Variants in GOLGA8M observed in about 807,000 individuals in gnomAD.
The protein encoded by GOLGA8M is golgin A8 family member M, also known as golgin subfamily A member 8M.
Under a neutral mutation model 87.7 loss-of-function variants are expected in GOLGA8M, and 34 were observed. The observed-to-expected ratio is 0.39, with a 90% CI of 0.29 to 0.52. GOLGA8M has a LOEUF of 0.52. GOLGA8M is among the 20% of genes least tolerant of loss of function. The probability of loss-of-function intolerance (pLI) is 0.80; values close to 1 mark genes in which losing one functional copy is unlikely to be tolerated. For missense variants in GOLGA8M, 396 were observed against 682.2 expected (o/e 0.58, Z 4.67); for synonymous variants, 138 against 250.2 (o/e 0.55, Z 4.23).
chr15:28,711,547 A>T, intron 1 of GOLGA8M: 1 of 958,216 alleles, frequency 1.0e-6, no homozygotes, highest in Non-Finnish European at 1.2e-6. Flanking sequence ...GGAGTGAGGC[A>T]GCCTGGAACC....
chr15:28,700,629 C>T lies in GOLGA8M; in HGVS notation c.*1325G>A, dbSNP rs111847909. The stretch of plus-strand genomic sequence containing the variant: ...TTGATTTTCAAAGATAGTATAATAC[C>T]GTCTACTAAAACTCCTTTTTGTTTC... On this transcript the variant is annotated 3_prime_UTR_variant, in exon 19 of 19. Transcript: ENST00000563027. 6.8e-6 allele frequency among the ~76,000 whole-genome samples: 1 copy of T among 146,360 alleles called. No individual in the cohort carries two copies. The highest frequency in any genetic ancestry group is 2.0e-4 in the East Asian group (1 of 4,978).
Position 28,708,366 on chromosome 15 carries a change from T to C in GOLGA8M, c.348+9A>G. 2.5e-6 allele frequency: 4 copies of C among 1,586,616 alleles called. No individual in the cohort carries two copies. Among genetic ancestry groups the C allele is most frequent in the Non-Finnish European group, 3.4e-6 (4 of 1,165,988 alleles). ...GCAGTCATGTTGCAAGGAAACGAAA[T>C]CACGTTACTTCTTCCAGCTGATGTT... On this transcript the variant is annotated intron_variant, in intron 5 of 18. Coordinates refer to ENST00000563027, the MANE Select transcript of GOLGA8M (RefSeq NM_001282468.3).
At chr15:28,711,472 G>T (rs1437355937) in intron 1 of GOLGA8M, 2 of 985,010 alleles carry the variant, frequency 2.0e-6, no homozygotes, top group Non-Finnish European at 2.4e-6. Context: ...GCCACCCAGA[G>T]ATACCGTCAA....
In GOLGA8M at chr15:28,703,106, A is replaced by G. The variant is rs1284758098; in HGVS notation, c.1368+213T>C. Among the ~76,000 whole-genome samples the G allele has an allele frequency of 2.5e-4, 34 of 135,096 alleles. 4 individuals carry two copies. Among genetic ancestry groups the G allele is most frequent in the South Asian group, 4.7e-4 (2 of 4,294 alleles). 88.6% of individuals were successfully genotyped at this position (135,096 alleles called of 152,430 possible). A position where few individuals can be genotyped will look rare whatever the true frequency, so the allele number is the denominator to read the frequency against. On this transcript the variant is annotated intron_variant, in intron 15 of 18. Coordinates refer to ENST00000563027, the MANE Select transcript of GOLGA8M (RefSeq NM_001282468.3). ...GCATTCTTCTAGGGGCATACACAGA[A>G]CAAATGGGGCAGAGAGGTGGAGCGC...
chr15:28,701,469 C>T lies in GOLGA8M; in HGVS notation c.*485G>A, dbSNP rs1162981890. On this transcript the variant is annotated 3_prime_UTR_variant, in exon 19 of 19. Transcript: ENST00000563027. ...ATTACAAAGTAATAAACAGTGCACA[C>T]TTGGGGGCAAACTACATATTGAGCT... Among the ~76,000 whole-genome samples the T allele has an allele frequency of 1.3e-5, 2 of 151,664 alleles. No homozygotes were observed. Among genetic ancestry groups the T allele is most frequent in the Admixed American group, 1.3e-4 (2 of 15,210 alleles).
rs778169903 is a variant in GOLGA8M, at chr15:28,702,671, A to C, written c.1443T>G (p.Ile481Met). 2 of 1,606,562 alleles carry C rather than the reference A, an allele frequency of 1.2e-6. No homozygotes were observed. The highest frequency in any genetic ancestry group is 4.5e-5 in the East Asian group (2 of 44,630). The stretch of plus-strand genomic sequence containing the variant: ...GATGGCATCTCTCTTGCCAGTATTG[A>C]ATGAAGCGAAGTTCTTGTTTCTTCA... ...ELVKKQELRF[I>M]QYWQERCHQK... Residue 481 changes from isoleucine (I) to methionine (M), a missense_variant, in exon 16 of 19, where the codon ATT becomes ATG. Ile to Met is a conservative substitution (Grantham distance 10). Coordinates refer to ENST00000563027, the MANE Select transcript of GOLGA8M (RefSeq NM_001282468.3).
chr15:28,712,616 G>A (rs530657517), upstream of GOLGA8M, among the ~76,000 whole-genome samples: 181 of 151,168 alleles, frequency 1.2e-3, no homozygotes, highest in African/African-American at 3.4e-3. Flanking sequence ...TCTAAGAGAG[G>A]GGAGAGGCCT....
intron 13 of GOLGA8M, 119 bp downstream of exon 13, chr15:28,705,040 G>T: frequency 6.6e-7 from 1 of 1,506,178 alleles, no homozygotes. Flanking sequence ...CCTGGGGGGT[G>T]CTGTGGTCAC....
rs2079782334 is a variant in GOLGA8M at position 28,701,430 on chromosome 15, A to C, written c.*524T>G. ...CCTTTAAACAACTCTAAATGTCAGT[A>C]CTCATAGTGGCATATTACAAAGTAA... is the stretch of plus-strand genomic sequence containing the variant. On this transcript the variant is annotated 3_prime_UTR_variant, in exon 19 of 19. Transcript: ENST00000563027. Among the ~76,000 whole-genome samples the C allele has an allele frequency of 6.6e-6, 1 of 151,832 alleles. No homozygotes were observed. The highest frequency in any genetic ancestry group is 1.5e-5 in the Non-Finnish European group (1 of 68,016).
At position 28,702,255 on chromosome 15, in the gene GOLGA8M, G is replaced by C. The variant is rs1434262787; in HGVS notation, c.1682C>G (p.Ala561Gly). 2 of 1,577,490 alleles carry C rather than the reference G, an allele frequency of 1.3e-6. No individual in the cohort carries two copies. Among genetic ancestry groups the C allele is most frequent in the East Asian group, 4.6e-5 (2 of 43,070 alleles). Residue 561 changes from alanine to glycine, a missense_variant, in exon 18 of 19, where the codon GCC becomes GGC. By Grantham distance (60) the Ala-to-Gly change is moderately conservative. Transcript: ENST00000563027. ...AGCCCCAAGCTCCTGGGGAGCTGGG[G>C]CTCCTGGACCGGGCTCATCAGCAGA... ...HNSADEPGPG[A>G]PAPQELGAAD... is the part of the protein sequence containing the mutation.
rs2079793641 is a variant in GOLGA8M, at chr15:28,701,850, A to G, written c.*104T>C. 1 of 1,186,694 alleles carries G rather than the reference A, an allele frequency of 8.4e-7. No homozygotes were observed. Among genetic ancestry groups the G allele is most frequent in the Non-Finnish European group, 1.2e-6 (1 of 858,044 alleles). The allele number at this position is 1,186,694 out of a possible 1,614,324, so 73.5% of individuals were successfully genotyped here. On this transcript the variant is annotated 3_prime_UTR_variant, in exon 19 of 19. Transcript: ENST00000563027. ...TTAGAAACACAAATAATCATGAGTG[A>G]CTCTAACATTCAAAGGAAGTAAATG...
chr15:28,704,540 G>A (rs917389957), intron 13 of GOLGA8M, among the ~76,000 whole-genome samples: 6 of 150,534 alleles, frequency 4.0e-5, no homozygotes, highest in Admixed American at 2.7e-4. Flanking sequence ...ACGGTGACCA[G>A]TGGAACCGAG....
At position 28,705,766 on chromosome 15, in the gene GOLGA8M, C is replaced by A. The variant is rs765190852; in HGVS notation, c.875-27G>T. ...TGAGAAAGGAAGCAGACAATAAGGG[C>A]CTCTGGATTCTCGGAAAAGAAAAAC... On this transcript the variant is annotated intron_variant, in intron 11 of 18. Transcript: ENST00000563027. 1.8e-5 allele frequency: 28 copies of A among 1,556,554 alleles called. 4 individuals are homozygous for A. Among genetic ancestry groups the A allele is most frequent in the Non-Finnish European group, 2.3e-5 (27 of 1,175,246 alleles).
At position 28,699,098 on chromosome 15, in the gene GOLGA8M, A is replaced by G. The variant is rs1177207334; in HGVS notation, c.*2856T>C. Reference sequence around the variant, plus strand: ...TTAAAACAACTCTTTAAAGTTTTAGAGAAACTATATTATGGATAGGGCTGA... The same window carrying G: ...TTAAAACAACTCTTTAAAGTTTTAGGGAAACTATATTATGGATAGGGCTGA... On this transcript the variant is annotated 3_prime_UTR_variant, in exon 19 of 19. Transcript: ENST00000563027. Among the ~76,000 whole-genome samples, 2 of 150,558 alleles carry G rather than the reference A, an allele frequency of 1.3e-5. No individual in the cohort carries two copies. The highest frequency in any genetic ancestry group is 4.1e-4 in the East Asian group (2 of 4,918).
At chr15:28,711,981 G>T in intron 1 of GOLGA8M, 1 of 984,872 alleles carries the variant, frequency 1.0e-6, no homozygotes, top group Non-Finnish European at 1.2e-6. Flanking sequence ...AGAGCCCAAA[G>T]AGCCCAGGGA....
Position 28,710,025 on chromosome 15 carries a change from G to T in GOLGA8M, c.169-437C>A, listed in dbSNP as rs1158139624. Among the ~76,000 whole-genome samples, 26 of 142,700 alleles carry T rather than the reference G, an allele frequency of 1.8e-4. 1 individual carries two copies. Among genetic ancestry groups the T allele is most frequent in the African/African-American group, 3.7e-4 (14 of 37,972 alleles). The allele number at this position is 142,700 out of a possible 152,430, so 93.6% of individuals were successfully genotyped here. A position where few individuals can be genotyped will look rare whatever the true frequency, so the allele number is the denominator to read the frequency against. On this transcript the variant is annotated intron_variant, in intron 2 of 18. Coordinates refer to ENST00000563027, the MANE Select transcript of GOLGA8M (RefSeq NM_001282468.3). ...GAGGCCCGATGAGGTCTAGCAACTT[G>T]CCCTAAATCATATCCCTAGCAGAGC... is the stretch of plus-strand genomic sequence containing the variant.
At chr15:28,711,745 G>C in intron 1 of GOLGA8M, 1 of 985,104 alleles carries the variant, frequency 1.0e-6, no homozygotes, top group Non-Finnish European at 1.2e-6. Flanking sequence ...TGGTCGGGGG[G>C]AGGGACCATG....
rs948083212 is a variant in GOLGA8M, at chr15:28,701,940, G to T, written c.*14C>A. The stretch of plus-strand genomic sequence containing the variant: ...TTAAAAATTTCTTGAGCAGCTCTTT[G>T]AGGATGGTGATGTTTATCTCCTTCT... On this transcript the variant is annotated 3_prime_UTR_variant, in exon 19 of 19. Coordinates refer to ENST00000563027, the MANE Select transcript of GOLGA8M (RefSeq NM_001282468.3). The T allele has an allele frequency of 6.3e-7, 1 of 1,598,838 alleles. No homozygotes were observed. The highest frequency in any genetic ancestry group is 1.7e-5 in the Admixed American group (1 of 59,982).
At chr15:28,708,296 G>C (rs759999000) in intron 5 of GOLGA8M, 79 bp downstream of exon 5, 26 of 1,611,694 alleles carry the variant, frequency 1.6e-5, no homozygotes, top group African/African-American at 4.0e-5. Context: ...GGTTATCGGG[G>C]CCCTGTGGGG....
Sources: gnomAD v4.1 joint callset for allele counts (sites outside exome capture counted in the v4.1 genomes callset) on GRCh38, gnomAD v4.1.1 for gene constraint, MANE v1.5 for transcripts, NCBI Gene and HGNC (gene_info 2026-07-23, HGNC 2026-07-21) for gene names.